The following TRAPPC8 variants were observed in gnomAD, a reference collection of about 807,000 sequenced individuals.
TRAPPC8 encodes the protein general sporulation gene 1 homolog.
TRAPPC8 carries 54 observed loss-of-function variants against 174.3 expected under a neutral mutation model. That is an observed-to-expected ratio of 0.31 (90% confidence interval 0.25 to 0.39). The LOEUF (loss-of-function observed/expected upper bound fraction) is 0.39. Ranked by LOEUF, TRAPPC8 falls within the 10% of genes least tolerant of loss-of-function variation. The pLI is 1.00. For missense variants in TRAPPC8, 1,531 were observed against 1,699.1 expected, an observed-to-expected ratio of 0.90 and a Z score of 1.74; for synonymous variants, 630 against 579.9, an observed-to-expected ratio of 1.09 and a Z score of -1.24.
Position 31,830,951 on chromosome 18 carries a change from A to C in TRAPPC8, c.4112T>G (p.Leu1371Arg). The change falls in exon 29 of 29, where the codon CTT becomes CGT. Residue 1371 changes from leucine to arginine, a missense_variant. Coordinates refer to ENST00000283351, the MANE Select transcript of TRAPPC8 (RefSeq NM_014939.5). The stretch of plus-strand genomic sequence containing the variant: ...TTGAAGTTTATACTGTGTTTGTCCA[A>C]GCCATGTGAATGATCCATGGATTTC... Reference protein sequence around the residue: ...ALEIHGSFTWLGQTQYKLQLK... With the variant: ...ALEIHGSFTWRGQTQYKLQLK... 4 of 1,613,976 alleles carry C rather than the reference A, an allele frequency of 2.5e-6. No individual in the cohort carries two copies. The highest frequency in any genetic ancestry group is 3.4e-6 in the Non-Finnish European group (4 of 1,179,882).
chr18:31,852,592 T>C lies in TRAPPC8; in HGVS notation c.3502+3A>G, dbSNP rs751380771. The C allele has an allele frequency of 6.2e-7, 1 of 1,614,102 alleles. No homozygotes were observed. The highest frequency in any genetic ancestry group is 8.5e-7 in the Non-Finnish European group (1 of 1,179,990). ...GTAAAGTGTAAAAGTAAAGTGAATT[T>C]ACCTTCTTCTTTCTCACATCTTATT... is the stretch of plus-strand genomic sequence containing the variant. On this transcript the variant is annotated splice_donor_region_variant and intron_variant, in intron 23 of 28. Transcript: ENST00000283351.
intron 1 of TRAPPC8, 180 bp downstream of exon 1, chr18:31,942,428 T>G (rs778032655): frequency 1.6e-4 from 113 of 717,232 alleles, no homozygotes; most frequent in Non-Finnish European, 2.3e-4. Context: ...TGCGCTGTCT[T>G]GACAACCTCA....
chr18:31,861,936 A>AAGGGG (rs2034345532), intron 19 of TRAPPC8, among the ~76,000 whole-genome samples: 1 of 64,254 alleles, frequency 1.6e-5, no homozygotes, highest in South Asian at 6.0e-4. Context: ...AAAAAAAAAA[A>AAGGGG]GGGGGGGGGG....
chr18:31,863,964 A>C (rs1249442200), intron 19 of TRAPPC8, among the ~76,000 whole-genome samples: 2 of 140,364 alleles, frequency 1.4e-5, no homozygotes, highest in Non-Finnish European at 3.0e-5. Flanking sequence ...ATTATACTAA[A>C]GTATAATACT....
intron 1 of TRAPPC8, among the ~76,000 whole-genome samples, chr18:31,941,241 G>C (rs1425807350): frequency 1.3e-5 from 2 of 152,116 alleles, no homozygotes; most frequent in Non-Finnish European, 2.9e-5. Flanking sequence ...TCGGGAGTTC[G>C]AGACCAACCT....
Position 31,857,682 on chromosome 18 carries a change from G to A in TRAPPC8, c.3046C>T (p.Pro1016Ser), listed in dbSNP as rs140440893. Residue 1016 changes from proline (P) to serine (S), a missense_variant, in exon 20 of 29, where the codon CCT becomes TCT. Pro to Ser is a moderately conservative substitution (Grantham distance 74). Transcript: ENST00000283351. ...IGTGSQPEVI[P>S]VPLPDTVLLP... is the part of the protein sequence containing the mutation. ...AGAACAGTGTCAGGAAGGGGAACAGGAATCACCTCTGGTTGACTTCCTGTG... is the reference window on the plus strand; with the variant it reads ...AGAACAGTGTCAGGAAGGGGAACAGAAATCACCTCTGGTTGACTTCCTGTG... 3.1e-6 allele frequency: 5 copies of A among 1,613,994 alleles called. No individual in the cohort carries two copies. The highest frequency in any genetic ancestry group is 1.1e-5 in the South Asian group (1 of 91,080).
At chr18:31,887,954 C>G (rs555902536) in intron 12 of TRAPPC8, among the ~76,000 whole-genome samples, 2 of 152,256 alleles carry the variant, frequency 1.3e-5, no homozygotes, top group East Asian at 1.9e-4. Context: ...GAAAACCCCA[C>G]TGTCTCAGCC....
chr18:31,849,463 AAAGAT>A, intron 25 of TRAPPC8, 98 bp downstream of exon 25: 1 of 1,055,328 alleles, frequency 9.5e-7, no homozygotes, highest in Middle Eastern at 3.5e-4. Flanking sequence ...TGAAACTAGA[AAAGAT>A]AAGCATAAAA....
chr18:31,865,140 A>G (rs2034525472), intron 18 of TRAPPC8, among the ~76,000 whole-genome samples: 1 of 152,100 alleles, frequency 6.6e-6, no homozygotes, highest in African/African-American at 2.4e-5. Flanking sequence ...AACGGTATCT[A>G]TTCACAAAGA....
intron 12 of TRAPPC8, among the ~76,000 whole-genome samples, chr18:31,877,547 A>G (rs1460699829): frequency 7.4e-6 from 1 of 135,454 alleles, no homozygotes; most frequent in African/African-American, 2.8e-5. Context: ...CGGGGGGCGG[A>G]GCCTGCAGTG....
intron 12 of TRAPPC8, among the ~76,000 whole-genome samples, chr18:31,887,083 T>C (rs1318581096): frequency 6.6e-6 from 1 of 152,188 alleles, no homozygotes; most frequent in Non-Finnish European, 1.5e-5. Context: ...TCCCTACCAA[T>C]ACAACCCTGT....
rs956438267 is a variant in TRAPPC8 at position 31,942,665 on chromosome 18, G to C, written c.100C>G (p.Leu34Val). 1 of 1,611,464 alleles carries C rather than the reference G, an allele frequency of 6.2e-7. No homozygotes were observed. The highest frequency in any genetic ancestry group is 1.1e-5 in the South Asian group (1 of 90,618). ...CSDEAERLTRLNHLSFAELLK... is the reference protein window; with the variant it reads ...CSDEAERLTRVNHLSFAELLK... ...AGCTCCGCGAAGCTGAGGTGATTGA[G>C]ACGAGTGAGCCGCTCGGCTTCGTCG... Residue 34 changes from leucine to valine, a missense_variant, in exon 1 of 29, where the codon CTC becomes GTC. Physicochemically the swap from Leu to Val is conservative, Grantham distance 32. Coordinates refer to ENST00000283351, the MANE Select transcript of TRAPPC8 (RefSeq NM_014939.5).
At chr18:31,901,514 G>A (rs1300356967) in intron 9 of TRAPPC8, among the ~76,000 whole-genome samples, 1 of 152,142 alleles carries the variant, frequency 6.6e-6, no homozygotes, top group Non-Finnish European at 1.5e-5. Context: ...GTTTTGGGAT[G>A]TGTTTTTCCT....
chr18:31,915,388 G>T lies in TRAPPC8; in HGVS notation c.617+884C>A, dbSNP rs115872181. 5.6e-3 allele frequency among the ~76,000 whole-genome samples: 817 copies of T among 146,664 alleles called. 5 individuals are homozygous for T. The highest frequency in any genetic ancestry group is 0.019 in the African/African-American group (776 of 39,854). On this transcript the variant is annotated intron_variant, in intron 4 of 28. Coordinates refer to ENST00000283351, the MANE Select transcript of TRAPPC8 (RefSeq NM_014939.5). ...AGGCAGGAGAATCGCTGGAACTCAG[G>T]AAGCACAGAGGCTGCAGTGAGCCAA...
intron 20 of TRAPPC8, among the ~76,000 whole-genome samples, chr18:31,856,311 A>C (rs2034008610): frequency 6.6e-6 from 1 of 151,894 alleles, no homozygotes; most frequent in Admixed American, 6.6e-5. Flanking sequence ...CGCCATATTC[A>C]TCATCTTCAT....
At chr18:31,912,093 C>T (rs62093868) in intron 5 of TRAPPC8, among the ~76,000 whole-genome samples, 34,777 of 151,898 alleles carry the variant, frequency 0.23, 4,813 homozygotes, top group South Asian at 0.52. Context: ...AACAGTAACT[C>T]CTGAGAGTAC....
intron 16 of TRAPPC8, 121 bp from the exon 17 acceptor site, chr18:31,867,597 T>TAATGATACACCG: frequency 7.8e-6 from 5 of 641,094 alleles, no homozygotes; most frequent in South Asian, 4.8e-5. Flanking sequence ...ACTTGGTTTT[T>TAATGATACACCG]ACCACATGCT....
At chr18:31,925,963 T>TCC (rs1193933177) in intron 2 of TRAPPC8, among the ~76,000 whole-genome samples, 3 of 152,042 alleles carry the variant, frequency 2.0e-5, no homozygotes, top group African/African-American at 7.3e-5. Flanking sequence ...ACTAGAGATG[T>TCC]CCTTCACCAT....
At chr18:31,899,918 G>A (rs1036362236) in intron 10 of TRAPPC8, among the ~76,000 whole-genome samples, 1 of 151,642 alleles carries the variant, frequency 6.6e-6, no homozygotes, top group Non-Finnish European at 1.5e-5. Context: ...TGCATTCCAG[G>A]TGGGTGACAA....
Sources: gnomAD v4.1 joint callset for allele counts (sites outside exome capture counted in the v4.1 genomes callset) on GRCh38, gnomAD v4.1.1 for gene constraint, MANE v1.5 for transcripts, NCBI Gene and HGNC (gene_info 2026-07-23, HGNC 2026-07-21) for gene names.